SPMIP4: variants seen among roughly 807,000 people sequenced by gnomAD.
SPMIP4 encodes sperm-associated microtubule inner protein 4.
the SPMIP4 span, chr7:25,179,151 TG>T: frequency 6.3e-7 from 1 of 1,578,822 alleles, no homozygotes; most frequent in Non-Finnish European, 8.6e-7. Flanking sequence ...TTTTCTTGTT[TG>T]CTTTTTCTAG....
At chr7:25,149,841 T>C in the SPMIP4 span, among the ~76,000 whole-genome samples, 356 of 152,348 alleles carry the variant, frequency 2.3e-3, 5 homozygotes, top group Non-Finnish European at 6.6e-4. Flanking sequence ...ATTACCCAGA[T>C]ACGTTTTATG....
At chr7:25,142,895 G>A in the SPMIP4 span, 12,097 of 1,082,112 alleles carry the variant, frequency 0.011, 101 homozygotes, top group Middle Eastern at 0.014. Context: ...GCAGGAAAGA[G>A]GCAAAGGAAA....
the SPMIP4 span, among the ~76,000 whole-genome samples, chr7:25,156,123 T>C: frequency 2.0e-5 from 3 of 152,096 alleles, no homozygotes; most frequent in Non-Finnish European, 4.4e-5. Context: ...GGTATCCTTT[T>C]AGGAAAGGGA....
At chr7:25,136,151 C>G in the SPMIP4 span, 1 of 1,614,158 alleles carries the variant, frequency 6.2e-7, no homozygotes, top group Non-Finnish European at 8.5e-7. This position sits in a 1 kb window ranked among gnomAD's most constrained non-coding sequence, Gnocchi z 5.7. Context: ...GTCACTCCAG[C>G]TCTAGGAATC....
chr7:25,137,714 A>G, the SPMIP4 span, among the ~76,000 whole-genome samples: 1 of 152,206 alleles, frequency 6.6e-6, no homozygotes, highest in Non-Finnish European at 1.5e-5. Flanking sequence ...TTTTCTTTTT[A>G]TAAGAACACC....
chr7:25,130,031 A>G, the SPMIP4 span, among the ~76,000 whole-genome samples: 1 of 151,928 alleles, frequency 6.6e-6, no homozygotes, highest in African/African-American at 2.4e-5. Context: ...TGATGTCAGG[A>G]GTATGAGACC....
the SPMIP4 span, among the ~76,000 whole-genome samples, chr7:25,140,989 A>T: frequency 6.6e-6 from 1 of 152,218 alleles, no homozygotes; most frequent in Non-Finnish European, 1.5e-5. Flanking sequence ...TTGTTTTCAA[A>T]ATTTGTAGTC....
the SPMIP4 span, among the ~76,000 whole-genome samples, chr7:25,176,047 G>A: frequency 6.6e-6 from 1 of 152,192 alleles, no homozygotes; most frequent in Non-Finnish European, 1.5e-5. This position sits in a 1 kb window ranked among gnomAD's most constrained non-coding sequence, Gnocchi z 4.4. Flanking sequence ...TAGGAGCCAG[G>A]AGCATGGTTA....
At chr7:25,174,191 CCT>C in the SPMIP4 span, among the ~76,000 whole-genome samples, 15 of 151,944 alleles carry the variant, frequency 9.9e-5, no homozygotes, top group East Asian at 1.9e-4. The surrounding 1 kb of genome is among the most constrained non-coding windows in gnomAD (Gnocchi z 4.5). Context: ...TCTCTTTCCC[CCT>C]CTCTCTCCGT....
At chr7:25,168,871 G>T in the SPMIP4 span, among the ~76,000 whole-genome samples, 1 of 151,512 alleles carries the variant, frequency 6.6e-6, no homozygotes, top group African/African-American at 2.4e-5. Context: ...CATTACAGGG[G>T]CGTGCCATCA....
chr7:25,148,298 G>A, the SPMIP4 span, among the ~76,000 whole-genome samples: 4 of 152,088 alleles, frequency 2.6e-5, no homozygotes, highest in African/African-American at 9.7e-5. Flanking sequence ...CCTGAGCCTG[G>A]TGTGGTCGTG....
chr7:25,142,710 G>A, the SPMIP4 span: 1 of 1,612,978 alleles, frequency 6.2e-7, no homozygotes, highest in Non-Finnish European at 8.5e-7. Context: ...TGGCTTCTTT[G>A]GCAGAGCAAA....
At chr7:25,172,606 G>C in the SPMIP4 span, among the ~76,000 whole-genome samples, 1 of 152,100 alleles carries the variant, frequency 6.6e-6, no homozygotes, top group East Asian at 1.9e-4. This position sits in a 1 kb window ranked among gnomAD's most constrained non-coding sequence, Gnocchi z 4.2. Context: ...TTCACATCTG[G>C]GTCAGTGTGT....
chr7:25,136,913 T>C, the SPMIP4 span: 11 of 927,134 alleles, frequency 1.2e-5, no homozygotes, highest in Admixed American at 9.6e-5. The surrounding 1 kb of genome is among the most constrained non-coding windows in gnomAD (Gnocchi z 5.7). Context: ...GGAGTGTACA[T>C]TGCAATGCTC....
chr7:25,146,560 C>T, the SPMIP4 span, among the ~76,000 whole-genome samples: 12 of 152,206 alleles, frequency 7.9e-5, no homozygotes, highest in African/African-American at 2.6e-4. Flanking sequence ...AGAGAATTGT[C>T]CCTGGAATGA....
the SPMIP4 span, among the ~76,000 whole-genome samples, chr7:25,128,809 T>C: frequency 6.6e-6 from 1 of 152,226 alleles, no homozygotes; most frequent in Non-Finnish European, 1.5e-5. This position sits in a 1 kb window ranked among gnomAD's most constrained non-coding sequence, Gnocchi z 4.5. Flanking sequence ...CATGGCTGGC[T>C]ACTACTACTG....
the SPMIP4 span, among the ~76,000 whole-genome samples, chr7:25,144,890 A>G: frequency 6.6e-6 from 1 of 152,184 alleles, no homozygotes; most frequent in African/African-American, 2.4e-5. Context: ...AGGGATAAAG[A>G]AAGCCCCTTT....
the SPMIP4 span, among the ~76,000 whole-genome samples, chr7:25,166,975 A>AT: frequency 5.9e-5 from 9 of 152,252 alleles, no homozygotes; most frequent in African/African-American, 2.2e-4. Context: ...TGTCACATTC[A>AT]GTAAGAGATC....
At chr7:25,150,908 A>C in the SPMIP4 span, among the ~76,000 whole-genome samples, 4 of 152,202 alleles carry the variant, frequency 2.6e-5, no homozygotes. Flanking sequence ...TTTCATTTTA[A>C]ACTTGACACC....
Sources: gnomAD v4.1 joint callset for allele counts (sites outside exome capture counted in the v4.1 genomes callset) on GRCh38, gnomAD v4.1.1 for gene constraint, Gnocchi (gnomAD v3.1) non-coding constraint, MANE v1.5 for transcripts, NCBI Gene and HGNC (gene_info 2026-07-23, HGNC 2026-07-21) for gene names.